Variants in MYH9 observed in about 807,000 individuals in gnomAD.
MYH9 encodes the protein myosin-9.
A neutral mutation model predicts 241.9 loss-of-function variants in MYH9; 29 were observed. The observed-to-expected ratio is 0.12, with a 90% CI of 0.09 to 0.16. The LOEUF (loss-of-function observed/expected upper bound fraction) is 0.16, where lower values mean the gene tolerates loss of function less well. Ranked by LOEUF, MYH9 falls within the 10% of genes least tolerant of loss-of-function variation. MYH9 has a pLI of 1.00. For synonymous variants in MYH9, 1,047 were observed against 1,062.6 expected, an observed-to-expected ratio of 0.99 and a Z score of 0.29; for missense variants, 1,803 against 2,595.5, an observed-to-expected ratio of 0.69 and a Z score of 6.63.
chr22:36,379,218 T>C (rs1273086761), intron 1 of MYH9, among the ~76,000 whole-genome samples: 6 of 152,154 alleles, frequency 3.9e-5, no homozygotes, highest in Non-Finnish European at 7.3e-5. Flanking sequence ...TTAAAAATTG[T>C]ACAGAGAGGC....
Position 36,296,911 on chromosome 22 carries a change from C to A in MYH9, c.3204G>T (p.Gln1068His). The A allele has an allele frequency of 6.2e-7, 1 of 1,613,998 alleles. No individual in the cohort carries two copies. Among genetic ancestry groups the A allele is most frequent in the Non-Finnish European group, 8.5e-7 (1 of 1,179,938 alleles). Reference protein sequence around the residue: ...TDLSDQIAELQAQIAELKMQL... With the variant: ...TDLSDQIAELHAQIAELKMQL... ...GCATCTTGAGCTCCGCGATCTGGGC[C>A]TGGAGCTCGGCGATCTGGTCGCTGA... Residue 1068 changes from glutamine to histidine, a missense_variant, in exon 25 of 41, where the codon CAG (glutamine) becomes CAT (histidine). Gln to His is a conservative substitution (Grantham distance 24, BLOSUM62 0). Coordinates refer to ENST00000216181, the MANE Select transcript of MYH9 (RefSeq NM_002473.6).
chr22:36,353,313 C>A (rs1262744513), intron 1 of MYH9, among the ~76,000 whole-genome samples: 1 of 152,160 alleles, frequency 6.6e-6, no homozygotes, highest in African/African-American at 2.4e-5. Context: ...CAGCAGCCAG[C>A]GTGCAGCCAC....
rs757448185 is a variant in MYH9 at position 36,301,559 on chromosome 22, G to C, written c.2606C>G (p.Thr869Arg). 1.9e-6 allele frequency: 3 copies of C among 1,613,748 alleles called. No homozygotes were observed. Among genetic ancestry groups the C allele is most frequent in the South Asian group, 1.1e-5 (1 of 91,088 alleles). ...CTGAGACTGCAGCGTCTCCATCTCC[G>C]TGAGCCTGTTCTCCGCAGCCAGCTG... ...EKQLAAENRL[T>R]EMETLQSQLM... Residue 869 changes from threonine (T) to arginine (R), a missense_variant, in exon 21 of 41, where the codon ACG (threonine) becomes AGG (arginine). Physicochemically the swap from Thr to Arg is moderately conservative, Grantham distance 71. Coordinates refer to ENST00000216181, the MANE Select transcript of MYH9 (RefSeq NM_002473.6).
At chr22:36,341,975 A>C (rs1281377852) in intron 2 of MYH9, among the ~76,000 whole-genome samples, 2 of 152,254 alleles carry the variant, frequency 1.3e-5, no homozygotes, top group Non-Finnish European at 2.9e-5. Flanking sequence ...ACGCTGAGAG[A>C]TAGTGAAGCT....
At chr22:36,302,522 G>A (rs758114459) in intron 20 of MYH9, 46 bp downstream of exon 20, 7 of 1,461,018 alleles carry the variant, frequency 4.8e-6, no homozygotes, top group Non-Finnish European at 6.7e-6. Flanking sequence ...GTATGGTGGT[G>A]TGCACCCGTA....
chr22:36,333,699 T>C (rs2017457188), intron 3 of MYH9, among the ~76,000 whole-genome samples: 1 of 152,216 alleles, frequency 6.6e-6, no homozygotes, highest in Non-Finnish European at 1.5e-5. Context: ...AACTGATAAC[T>C]TCATTCCAGA....
At position 36,333,561 on chromosome 22, in the gene MYH9, C is replaced by T. The variant is rs138015424; in HGVS notation, c.491-6073G>A. ...ATGGAGTTTATGATCAAGGTCCACA[C>T]GGGGCTGACAGCCTTGGTCAAGACT... On this transcript the variant is annotated intron_variant, in intron 3 of 40. Coordinates refer to ENST00000216181, the MANE Select transcript of MYH9 (RefSeq NM_002473.6). Among the ~76,000 whole-genome samples, 1,231 of 152,320 alleles carry T rather than the reference C, an allele frequency of 8.1e-3. 17 individuals are homozygous for T. Among genetic ancestry groups the T allele is most frequent in the African/African-American group, 0.028 (1,153 of 41,566 alleles).
rs1310728642 is a variant in MYH9 at position 36,291,116 on chromosome 22, C to T, written c.4344+870G>A. 4.0e-5 allele frequency among the ~76,000 whole-genome samples: 6 copies of T among 151,438 alleles called. No homozygotes were observed. In the East Asian group the frequency reaches 1.2e-3, roughly 30 times the overall value. ...TCCGGGAGGTGAGGGGCGCCTCTGC[C>T]CGGCCGCCCCTACTGGTTAGTGAGG... is the stretch of plus-strand genomic sequence containing the variant. On this transcript the variant is annotated intron_variant, in intron 31 of 40. Transcript: ENST00000216181.
rs192627220 is a variant in MYH9, at chr22:36,323,782, G to A, written c.613-1261C>T. ...CCAACCCAGGGCTAGGAAGCCTTCC[G>A]CTTGTGAACCATCCAGACAAGTGAG... On this transcript the variant is annotated intron_variant, in intron 5 of 40. Transcript: ENST00000216181. Among the ~76,000 whole-genome samples the A allele has an allele frequency of 1.9e-3, 290 of 152,270 alleles. 3 individuals are homozygous for A. The highest frequency in any genetic ancestry group is 3.4e-3 in the Admixed American group (52 of 15,294).
chr22:36,374,672 C>A lies in MYH9; in HGVS notation c.-20+13135G>T, dbSNP rs182878363. Among the ~76,000 whole-genome samples the A allele has an allele frequency of 2.0e-5, 3 of 152,354 alleles. No homozygotes were observed. In the South Asian group the frequency reaches 6.2e-4, roughly 32 times the overall value. The stretch of plus-strand genomic sequence containing the variant: ...CAGGCCGCGTTCCCAGCATCCACCC[C>A]CAAGGTGAGTGACCTGGGAGTGGAA... On this transcript the variant is annotated intron_variant, in intron 1 of 40. Coordinates refer to ENST00000216181, the MANE Select transcript of MYH9 (RefSeq NM_002473.6).
chr22:36,328,540 T>A (rs1463457852), intron 3 of MYH9, among the ~76,000 whole-genome samples: 1 of 152,214 alleles, frequency 6.6e-6, no homozygotes, highest in East Asian at 1.9e-4. Context: ...AGTTTCTACA[T>A]CCACAAAGTA....
chr22:36,368,460 C>T (rs553755112), intron 1 of MYH9, among the ~76,000 whole-genome samples: 12 of 152,216 alleles, frequency 7.9e-5, no homozygotes, highest in African/African-American at 2.4e-4. Context: ...AATGAGACAG[C>T]GAATGCACAC....
At position 36,293,367 on chromosome 22, in the gene MYH9, G is replaced by A; in HGVS notation, c.4057C>T (p.His1353Tyr). 1 of 1,614,040 alleles carries A rather than the reference G, an allele frequency of 6.2e-7. No individual in the cohort carries two copies. Among genetic ancestry groups the A allele is most frequent in the African/African-American group, 1.3e-5 (1 of 75,064 alleles). The change falls in exon 30 of 41, where the codon CAC (histidine) becomes TAC (tyrosine). Residue 1353 changes from histidine to tyrosine, a missense_variant. By Grantham distance (83) the His-to-Tyr change is moderately conservative. Transcript: ENST00000216181. The surrounding 1 kb of genome is among the most constrained non-coding windows in gnomAD (Gnocchi z 5.1). ...GTGGCGATCTGCTTCTCCAGGTTGTGCTTGGCCTCCTCCTCCTCCTCCAGC... is the reference window on the plus strand; with the variant it reads ...GTGGCGATCTGCTTCTCCAGGTTGTACTTGGCCTCCTCCTCCTCCTCCAGC... ...EQLEEEEEAK[H>Y]NLEKQIATLH...
rs1284332609 is a variant in MYH9, at chr22:36,282,408, G to A, written c.*260C>T. 1.0e-5 allele frequency: 6 copies of A among 598,694 alleles called. No homozygotes were observed. The highest frequency in any genetic ancestry group is 1.5e-5 in the Non-Finnish European group (5 of 333,444). The allele number at this position is 598,694 out of a possible 1,614,324, so 37.1% of individuals were successfully genotyped here. Reference sequence around the variant, plus strand: ...GAGAGGGCTGAGGAGCCTGCTGGTCGCTCTCTGCCTGGGCCCGGGCCCTGT... The same window carrying A: ...GAGAGGGCTGAGGAGCCTGCTGGTCACTCTCTGCCTGGGCCCGGGCCCTGT... On this transcript the variant is annotated 3_prime_UTR_variant, in exon 41 of 41. Transcript: ENST00000216181.
At chr22:36,296,796 GGCTGGCCCAGGCC>G (rs2016794570) in intron 25 of MYH9, 34 bp downstream of exon 25, 1 of 1,561,948 alleles carries the variant, frequency 6.4e-7, no homozygotes, top group African/African-American at 1.4e-5. Flanking sequence ...AAGCAGGAAG[GGCTGGCCCAGGCC>G]ACCTGGCCTC....
intron 1 of MYH9, among the ~76,000 whole-genome samples, chr22:36,374,653 G>A (rs1213743227): frequency 1.3e-5 from 2 of 152,216 alleles, no homozygotes; most frequent in Non-Finnish European, 2.9e-5. Flanking sequence ...GGCGCAGGCC[G>A]CGTTCCCAGC....
At chr22:36,379,495 C>T (rs946838732) in intron 1 of MYH9, among the ~76,000 whole-genome samples, 5 of 152,088 alleles carry the variant, frequency 3.3e-5, no homozygotes, top group African/African-American at 7.2e-5. Flanking sequence ...GGTGACAGAG[C>T]GAGACTCCGT....
At chr22:36,314,526 G>C (rs753908787) in intron 12 of MYH9, among the ~76,000 whole-genome samples, 1 of 152,188 alleles carries the variant, frequency 6.6e-6, no homozygotes, top group African/African-American at 2.4e-5. Context: ...AGTGACCGCG[G>C]GCAGTCTGGT....
At chr22:36,369,728 T>C (rs775035569) in intron 1 of MYH9, among the ~76,000 whole-genome samples, 4 of 152,162 alleles carry the variant, frequency 2.6e-5, no homozygotes, top group African/African-American at 4.8e-5. Context: ...ATTTCACAAC[T>C]ATTGTCCACA....
Sources: gnomAD v4.1 joint callset for allele counts (sites outside exome capture counted in the v4.1 genomes callset) on GRCh38, gnomAD v4.1.1 for gene constraint, Gnocchi (gnomAD v3.1) non-coding constraint, MANE v1.5 for transcripts, NCBI Gene and HGNC (gene_info 2026-07-23, HGNC 2026-07-21) for gene names.